The following EEF2K variants were observed in gnomAD, a reference collection of about 807,000 sequenced individuals.
EEF2K encodes eukaryotic elongation factor 2 kinase.
Under a neutral mutation model 93.8 loss-of-function variants are expected in EEF2K, and 70 were observed. The observed-to-expected ratio is 0.75, with a 90% CI of 0.62 to 0.91. The LOEUF is 0.91. Ranked by LOEUF, EEF2K falls within the 40% of genes least tolerant of loss-of-function variation. The pLI, the probability that EEF2K is intolerant of heterozygous loss-of-function variation, is 0.00. For missense variants in EEF2K, 935 were observed against 972.9 expected (o/e 0.96, Z 0.52); for synonymous variants, 376 against 380.8 (o/e 0.99, Z 0.15).
In EEF2K at chr16:22,251,185, T is replaced by C. The variant is rs1175325219; in HGVS notation, c.481T>C (p.Trp161Arg). 3 of 1,614,052 alleles carry C rather than the reference T, an allele frequency of 1.9e-6. No homozygotes were observed. Among genetic ancestry groups the C allele is most frequent in the Non-Finnish European group, 2.5e-6 (3 of 1,179,990 alleles). ...KLSNFLHAQQ[W>R]KGASNYVAKR... Reference sequence around the variant, plus strand: ...CTCCAACTTCTTGCATGCCCAGCAGTGGAAGGGCGCCTCCAACTACGTGGC... The same window carrying C: ...CTCCAACTTCTTGCATGCCCAGCAGCGGAAGGGCGCCTCCAACTACGTGGC... The change falls in exon 6 of 18, where the codon TGG becomes CGG. Residue 161 changes from tryptophan to arginine, a missense_variant. By Grantham distance (101) the Trp-to-Arg change is moderately radical (BLOSUM62 -3). Coordinates refer to ENST00000263026, the MANE Select transcript of EEF2K (RefSeq NM_013302.5).
At chr16:22,226,893 A>C (rs1195292183) in intron 2 of EEF2K, among the ~76,000 whole-genome samples, 3 of 152,000 alleles carry the variant, frequency 2.0e-5, no homozygotes. Flanking sequence ...ACATAGTGAG[A>C]CCCTGTCTCT....
rs963100576 is a variant in EEF2K, at chr16:22,248,014, C to T, written c.348-741C>T. Among the ~76,000 whole-genome samples the T allele has an allele frequency of 4.6e-5, 7 of 151,796 alleles. No homozygotes were observed. In the East Asian group the frequency reaches 1.2e-3, roughly 25 times the overall value. On this transcript the variant is annotated intron_variant, in intron 3 of 17. Transcript: ENST00000263026. ...CATATTATTTATTCAGTCATTCATC[C>T]ACCTTGTATATTTATTTTATGTATG...
intron 8 of EEF2K, 52 bp from the exon 9 acceptor site, chr16:22,257,591 T>TC (rs2047416429): frequency 6.3e-7 from 1 of 1,597,666 alleles, no homozygotes; most frequent in African/African-American, 1.3e-5. Flanking sequence ...CCACTGCCTG[T>TC]CCCCCGTCAC....
rs1463164282 is a variant in EEF2K at position 22,284,629 on chromosome 16, G to A, written c.*633G>A. The A allele has an allele frequency of 4.8e-5, 7 of 147,354 alleles. No homozygotes were observed. The highest frequency in any genetic ancestry group is 1.0e-4 in the Non-Finnish European group (7 of 67,378). The allele number at this position is 147,354 out of a possible 1,614,324, so 9.1% of individuals were successfully genotyped here. A position where few individuals can be genotyped will look rare whatever the true frequency, so the allele number is the denominator to read the frequency against. On this transcript the variant is annotated 3_prime_UTR_variant, in exon 18 of 18. Coordinates refer to ENST00000263026, the MANE Select transcript of EEF2K (RefSeq NM_013302.5). ...TTATTTCTTTTTTTTTTTTTGTCAC[G>A]AGATATAAGAAAGTGCTTTTTGCCT...
In EEF2K at chr16:22,247,311, T is replaced by C. The variant is rs574656620; in HGVS notation, c.348-1444T>C. Among the ~76,000 whole-genome samples, 10 of 151,230 alleles carry C rather than the reference T, an allele frequency of 6.6e-5. No homozygotes were observed. In the South Asian group the frequency reaches 1.7e-3, roughly 25 times the overall value. On this transcript the variant is annotated intron_variant, in intron 3 of 17. Coordinates refer to ENST00000263026, the MANE Select transcript of EEF2K (RefSeq NM_013302.5). ...AAAAAAAAAAATTAGCTGGGTATGG[T>C]GGCAGGCACACCTGTAATCCCAGCT...
chr16:22,277,608 C>T (rs1159986194), intron 16 of EEF2K, among the ~76,000 whole-genome samples: 1 of 152,118 alleles, frequency 6.6e-6, no homozygotes, highest in African/African-American at 2.4e-5. Flanking sequence ...CTTCATGGGG[C>T]TTACCTTCTA....
At chr16:22,250,304 A>G (rs1360854811) in intron 4 of EEF2K, among the ~76,000 whole-genome samples, 1 of 152,096 alleles carries the variant, frequency 6.6e-6, no homozygotes, top group East Asian at 1.9e-4. Context: ...TTTCCAGTAT[A>G]TTGTTGCTGG....
At chr16:22,238,785 G>T (rs2047193935) in intron 2 of EEF2K, among the ~76,000 whole-genome samples, 1 of 151,770 alleles carries the variant, frequency 6.6e-6, no homozygotes, top group Non-Finnish European at 1.5e-5. Context: ...CATAGCCACT[G>T]CCAGGTGGCT....
At position 22,266,814 on chromosome 16, in the gene EEF2K, G is replaced by C; in HGVS notation, c.1702G>C (p.Val568Leu). The C allele has an allele frequency of 6.2e-7, 1 of 1,614,198 alleles. No homozygotes were observed. The highest frequency in any genetic ancestry group is 8.5e-7 in the Non-Finnish European group (1 of 1,180,042). The change falls in exon 15 of 18, where the codon GTG (valine) becomes CTG (leucine). Residue 568 changes from valine (V) to leucine (L), a missense_variant. Transcript: ENST00000263026. ...CAACCTGGGCGAGCTGGAGGCCATC[G>C]TGGGCCTGGGACTCATGTACTCGCA... is the stretch of plus-strand genomic sequence containing the variant. The part of the protein sequence containing the change: ...AANLGELEAI[V>L]GLGLMYSQLP...
intron 1 of EEF2K, among the ~76,000 whole-genome samples, chr16:22,224,974 C>G (rs369521800): frequency 6.6e-6 from 1 of 150,994 alleles, no homozygotes; most frequent in African/African-American, 2.4e-5. Context: ...AAAAAAAGAA[C>G]AAAGAAAGAA....
At chr16:22,210,514 G>T (rs990515467) in intron 1 of EEF2K, among the ~76,000 whole-genome samples, 4 of 152,106 alleles carry the variant, frequency 2.6e-5, no homozygotes, top group Admixed American at 2.6e-4. Flanking sequence ...TGGCTGCTGC[G>T]GCAGCTGGTC....
Position 22,286,624 on chromosome 16 carries a change from T to C in EEF2K, c.*2628T>C, listed in dbSNP as rs773880422. The C allele has an allele frequency of 6.6e-6, 1 of 152,234 alleles. No homozygotes were observed. The highest frequency in any genetic ancestry group is 1.5e-5 in the Non-Finnish European group (1 of 68,048). The allele number at this position is 152,234 out of a possible 1,614,324, so 9.4% of individuals were successfully genotyped here. On this transcript the variant is annotated 3_prime_UTR_variant, in exon 18 of 18. Transcript: ENST00000263026. ...TGGCTGGTGTTCCAATAAAACTTTA[T>C]TTACACAAACGGGTGGCCCTTTTGG...
At chr16:22,272,040 G>A (rs775240710) in intron 15 of EEF2K, among the ~76,000 whole-genome samples, 3 of 152,140 alleles carry the variant, frequency 2.0e-5, no homozygotes, top group Non-Finnish European at 4.4e-5. Flanking sequence ...GGCATGACCC[G>A]CTTGTTAGTT....
chr16:22,254,303 G>T (rs2047379161), intron 6 of EEF2K, among the ~76,000 whole-genome samples: 1 of 152,102 alleles, frequency 6.6e-6, no homozygotes, highest in Admixed American at 6.6e-5. Context: ...ACCAGCCTTT[G>T]GGCAGAACCC....
intron 2 of EEF2K, 78 bp from the exon 3 acceptor site, chr16:22,244,550 CAG>C: frequency 1.5e-6 from 2 of 1,353,070 alleles, no homozygotes; most frequent in East Asian, 4.6e-5. Flanking sequence ...GAGGAAATAA[CAG>C]GGCAGGAGGA....
chr16:22,239,939 C>T (rs948163177), intron 2 of EEF2K, among the ~76,000 whole-genome samples: 1 of 151,470 alleles, frequency 6.6e-6, no homozygotes, highest in African/African-American at 2.4e-5. Flanking sequence ...CCTGTCTCTA[C>T]TAAAAATACA....
chr16:22,273,609 TTGGTTTGTA>T lies in EEF2K; in HGVS notation c.1765-15_1765-7del, dbSNP rs2047606546. On this transcript the variant is annotated splice_polypyrimidine_tract_variant and splice_region_variant and intron_variant, in intron 15 of 17. Transcript: ENST00000263026. ...CTCATTCACTCTTCTTTCTCCCTCT[TTGGTTTGTA>T]TCAACAGGAGACAGAAGAGAACAAA... 6.2e-7 allele frequency: 1 copy of T among 1,613,408 alleles called. No homozygotes were observed. Among genetic ancestry groups the T allele is most frequent in the Non-Finnish European group, 8.5e-7 (1 of 1,179,602 alleles).
chr16:22,253,562 G>A (rs1011799538), intron 6 of EEF2K, among the ~76,000 whole-genome samples: 3 of 151,954 alleles, frequency 2.0e-5, no homozygotes, highest in Admixed American at 2.0e-4. Context: ...ACTTCTTATA[G>A]TTCAGGTCTC....
chr16:22,252,153 C>T (rs1173685289), intron 6 of EEF2K, among the ~76,000 whole-genome samples: 3 of 152,200 alleles, frequency 2.0e-5, no homozygotes, highest in Admixed American at 2.0e-4. Flanking sequence ...TCCTCAATTA[C>T]AGATGGGATC....
Sources: allele counts gnomAD v4.1 joint callset (sites outside exome capture counted in the v4.1 genomes callset), GRCh38; gene constraint gnomAD v4.1.1; transcripts MANE v1.5; gene names NCBI Gene and HGNC (gene_info 2026-07-23, HGNC 2026-07-21).